KCNH1: variants seen among roughly 807,000 people sequenced by gnomAD.
KCNH1 encodes potassium voltage-gated channel subfamily H member 1.
A neutral mutation model predicts 69.2 loss-of-function variants in KCNH1; 27 were observed. The observed-to-expected ratio is 0.39, with a 90% CI of 0.29 to 0.54. The LOEUF is 0.54. Ranked by LOEUF, KCNH1 falls within the 20% of genes least tolerant of loss-of-function variation. The pLI is 0.68. For synonymous variants in KCNH1, 456 were observed against 487.7 expected (o/e 0.93, Z 0.86); for missense variants, 798 against 1,261.6 (o/e 0.63, Z 5.57).
At chr1:210,934,544 C>G (rs1314558737) in intron 6 of KCNH1, among the ~76,000 whole-genome samples, 3 of 151,952 alleles carry the variant, frequency 2.0e-5, no homozygotes, top group South Asian at 2.1e-4. Flanking sequence ...GAGGCTGAGG[C>G]AGAAGAATCG....
chr1:210,877,651 C>G (rs1264509861), intron 7 of KCNH1, among the ~76,000 whole-genome samples: 1 of 152,106 alleles, frequency 6.6e-6, no homozygotes, highest in Non-Finnish European at 1.5e-5. Flanking sequence ...CTGAACATGT[C>G]CTATATACAT....
chr1:211,120,754 A>G (rs1218764664), intron 1 of KCNH1, among the ~76,000 whole-genome samples: 1 of 152,206 alleles, frequency 6.6e-6, no homozygotes, highest in Non-Finnish European at 1.5e-5. Flanking sequence ...CTCTGTTTGC[A>G]GACGACATGA....
intron 6 of KCNH1, among the ~76,000 whole-genome samples, chr1:211,001,059 C>T (rs1203567984): frequency 2.0e-5 from 3 of 152,002 alleles, no homozygotes; most frequent in African/African-American, 4.8e-5. Flanking sequence ...CCATAAAAAC[C>T]CTAGAAGAAA....
intron 9 of KCNH1, among the ~76,000 whole-genome samples, chr1:210,783,832 C>T (rs1277595212): frequency 6.6e-6 from 1 of 152,200 alleles, no homozygotes; most frequent in Non-Finnish European, 1.5e-5. Flanking sequence ...AGCAGCTGAA[C>T]CTGCAACCTA....
At chr1:210,722,283 C>T (rs1352785295) in intron 10 of KCNH1, among the ~76,000 whole-genome samples, 1 of 152,114 alleles carries the variant, frequency 6.6e-6, no homozygotes, top group East Asian at 1.9e-4. Flanking sequence ...CGTAAAAGGG[C>T]TGTTTTGGCT....
chr1:210,732,942 C>A (rs543192029), intron 10 of KCNH1, among the ~76,000 whole-genome samples: 65 of 152,292 alleles, frequency 4.3e-4, no homozygotes, highest in African/African-American at 1.6e-3. Context: ...CAGCAAGGCC[C>A]TTAACACTTT....
chr1:210,761,993 G>T (rs1333811887), intron 10 of KCNH1, among the ~76,000 whole-genome samples: 1 of 151,936 alleles, frequency 6.6e-6, no homozygotes, highest in Admixed American at 6.6e-5. Flanking sequence ...CCACGTGCTT[G>T]GTCATACAGC....
chr1:210,811,173 C>A (rs535054166), intron 7 of KCNH1, among the ~76,000 whole-genome samples: 6 of 152,296 alleles, frequency 3.9e-5, no homozygotes, highest in African/African-American at 1.4e-4. Flanking sequence ...GTCCCCCAGT[C>A]CAGAGACTAC....
chr1:210,956,815 T>C (rs1688186670), intron 6 of KCNH1, among the ~76,000 whole-genome samples: 1 of 152,142 alleles, frequency 6.6e-6, no homozygotes, highest in Non-Finnish European at 1.5e-5. Flanking sequence ...TCTTCTTTAT[T>C]AGTCTTGCCA....
At chr1:211,047,488 G>A (rs1690114339) in intron 5 of KCNH1, among the ~76,000 whole-genome samples, 1 of 152,148 alleles carries the variant, frequency 6.6e-6, no homozygotes, top group Non-Finnish European at 1.5e-5. Flanking sequence ...GTTCATCAAG[G>A]TGCGGCTTTT....
chr1:211,097,439 A>T (rs80328197), intron 3 of KCNH1, among the ~76,000 whole-genome samples: 1,643 of 151,822 alleles, frequency 0.011, 21 homozygotes, highest in African/African-American at 0.037. Context: ...AATGGTTTTT[A>T]AAAAAAAAGT....
At chr1:210,842,804 G>A (rs2102455152) in intron 7 of KCNH1, among the ~76,000 whole-genome samples, 1 of 152,172 alleles carries the variant, frequency 6.6e-6, no homozygotes, top group Admixed American at 6.5e-5. Context: ...AAACCCTATA[G>A]CTAAAGTTGT....
chr1:211,130,744 G>A (rs908672523), intron 1 of KCNH1, among the ~76,000 whole-genome samples: 1 of 152,126 alleles, frequency 6.6e-6, no homozygotes, highest in African/African-American at 2.4e-5. Flanking sequence ...ACTAGCTTAT[G>A]AGGATCAAAG....
At chr1:210,988,805 G>A (rs1332123997) in intron 6 of KCNH1, among the ~76,000 whole-genome samples, 3 of 152,136 alleles carry the variant, frequency 2.0e-5, no homozygotes. Flanking sequence ...CTCTCTAGAA[G>A]AAAAACAAAA....
intron 7 of KCNH1, among the ~76,000 whole-genome samples, chr1:210,825,784 C>T (rs80149699): frequency 0.03 from 4,568 of 152,304 alleles, 238 homozygotes; most frequent in African/African-American, 0.1. Context: ...CTTACAGATA[C>T]CAGTAACTTC....
intron 10 of KCNH1, among the ~76,000 whole-genome samples, chr1:210,769,512 T>A (rs1683709276): frequency 6.6e-6 from 1 of 152,064 alleles, no homozygotes; most frequent in Non-Finnish European, 1.5e-5. Flanking sequence ...ACAAAAAAAA[T>A]TCATCCTGGA....
intron 6 of KCNH1, among the ~76,000 whole-genome samples, chr1:210,970,508 CAACAT>C (rs1688493738): frequency 6.6e-6 from 1 of 151,990 alleles, no homozygotes. Context: ...ATCTGATCTT[CAACAT>C]ACCTGACAAA....
chr1:210,737,914 C>T (rs1682918105), intron 10 of KCNH1, among the ~76,000 whole-genome samples: 1 of 152,208 alleles, frequency 6.6e-6, no homozygotes, highest in South Asian at 2.1e-4. Context: ...AACATAGTTA[C>T]CAAATTTATC....
chr1:210,741,725 C>G (rs528076921), intron 10 of KCNH1, among the ~76,000 whole-genome samples: 2 of 152,306 alleles, frequency 1.3e-5, no homozygotes, highest in Admixed American at 1.3e-4. Context: ...GTTCTGTGTA[C>G]AAGAGACCAG....
Sources: gnomAD v4.1 joint callset for allele counts (sites outside exome capture counted in the v4.1 genomes callset) on GRCh38, gnomAD v4.1.1 for gene constraint, MANE v1.5 for transcripts, NCBI Gene and HGNC (gene_info 2026-07-23, HGNC 2026-07-21) for gene names.